DCAF7: variants seen among roughly 807,000 people sequenced by gnomAD.
DCAF7 encodes the protein DDB1 and CUL4 associated factor 7.
Under a neutral mutation model 41.2 loss-of-function variants are expected in DCAF7, and 4 were observed. The observed-to-expected ratio is 0.10, with a 90% CI of 0.05 to 0.22. The LOEUF (loss-of-function observed/expected upper bound fraction) is 0.22, where lower values mean the gene tolerates loss of function less well. Ranked by LOEUF, DCAF7 falls within the 10% of genes least tolerant of loss-of-function variation. The pLI, the probability that DCAF7 is intolerant of heterozygous loss-of-function variation, is 1.00. For synonymous variants in DCAF7, 143 were observed against 164.2 expected (o/e 0.87, Z 0.99); for missense variants, 131 against 443.2 (o/e 0.30, Z 6.32).
intron 1 of DCAF7, among the ~76,000 whole-genome samples, chr17:63,567,930 G>A (rs2033462301): frequency 6.6e-6 from 1 of 152,094 alleles, no homozygotes; most frequent in Non-Finnish European, 1.5e-5. Context: ...ATCCCAGGGT[G>A]TTGGGATTAT....
rs527318407 is a variant in DCAF7, at chr17:63,584,454, C to T, written c.738+743C>T. On this transcript the variant is annotated intron_variant, in intron 5 of 6. Coordinates refer to ENST00000614556, the MANE Select transcript of DCAF7 (RefSeq NM_005828.5). ...TTGCACTCAAGCCTGGGAGATAGAGCAAGACTCCATCTGAAAAAAAAAAAA... is the reference window on the plus strand; with the variant it reads ...TTGCACTCAAGCCTGGGAGATAGAGTAAGACTCCATCTGAAAAAAAAAAAA... 2.0e-5 allele frequency among the ~76,000 whole-genome samples: 3 copies of T among 146,970 alleles called. No individual in the cohort carries two copies. The South Asian group carries it at 6.5e-4, about 32-fold the overall frequency.
intron 1 of DCAF7, among the ~76,000 whole-genome samples, chr17:63,573,711 C>G (rs1179933713): frequency 7.0e-6 from 1 of 141,988 alleles, no homozygotes; most frequent in Non-Finnish European, 1.5e-5. Context: ...GCCTGGGTGA[C>G]AAGAGTGAAA....
intron 1 of DCAF7, among the ~76,000 whole-genome samples, chr17:63,563,760 A>G (rs970109814): frequency 6.6e-6 from 1 of 152,144 alleles, no homozygotes; most frequent in African/African-American, 2.4e-5. Flanking sequence ...GGTTGCAGTG[A>G]GCTGAGATCG....
At chr17:63,558,802 C>T (rs1465816074) in intron 1 of DCAF7, among the ~76,000 whole-genome samples, 1 of 152,168 alleles carries the variant, frequency 6.6e-6, no homozygotes, top group African/African-American at 2.4e-5. Flanking sequence ...ACCAGGCAAA[C>T]TGATTGTTTC....
chr17:63,576,560 T>C (rs1207887862), intron 1 of DCAF7, among the ~76,000 whole-genome samples: 1 of 152,150 alleles, frequency 6.6e-6, no homozygotes, highest in Admixed American at 6.6e-5. Flanking sequence ...TAGAAAACTT[T>C]TAGAAGAAAA....
At chr17:63,579,301 A>C (rs1319514394) in intron 2 of DCAF7, 36 bp from the exon 3 acceptor site, 14 of 1,454,774 alleles carry the variant, frequency 9.6e-6, no homozygotes, top group Non-Finnish European at 1.3e-5. Flanking sequence ...TGAGGATAAG[A>C]CTGGCTGATT....
Position 63,591,995 on chromosome 17 carries a change from A to G in DCAF7, c.*2823A>G, listed in dbSNP as rs1345528734. ...GCCTCTACCACCAGAGAGCTGGAGA[A>G]TGGGTCCACGTCATTCAAGGACCTG... On this transcript the variant is annotated 3_prime_UTR_variant, in exon 7 of 7. Coordinates refer to ENST00000614556, the MANE Select transcript of DCAF7 (RefSeq NM_005828.5). 2 of 152,358 alleles carry G rather than the reference A, an allele frequency of 1.3e-5. No individual in the cohort carries two copies. The highest frequency in any genetic ancestry group is 1.3e-4 in the Admixed American group (2 of 15,286). The allele number at this position is 152,358 out of a possible 1,614,324, so 9.4% of individuals were successfully genotyped here.
chr17:63,584,837 G>A (rs754251821), intron 5 of DCAF7, among the ~76,000 whole-genome samples: 38 of 152,208 alleles, frequency 2.5e-4, no homozygotes, highest in Non-Finnish European at 4.9e-4. Context: ...TGGGGAGAAT[G>A]CATTGGTTGT....
intron 4 of DCAF7, 95 bp downstream of exon 4, chr17:63,580,038 T>C: frequency 1.1e-6 from 1 of 885,596 alleles, no homozygotes; most frequent in South Asian, 1.5e-5. Flanking sequence ...CTGCAATTTA[T>C]GTAGAAAATC....
intron 1 of DCAF7, among the ~76,000 whole-genome samples, chr17:63,554,743 T>C (rs150234538): frequency 3.6e-3 from 546 of 152,352 alleles, no homozygotes; most frequent in Non-Finnish European, 5.4e-3. Flanking sequence ...ATAAGCCATA[T>C]AGAGATGTTA....
At position 63,593,276 on chromosome 17, in the gene DCAF7, C is replaced by T. The variant is rs758889725; in HGVS notation, c.*4104C>T. 6 of 152,740 alleles carry T rather than the reference C, an allele frequency of 3.9e-5. No homozygotes were observed. The highest frequency in any genetic ancestry group is 7.3e-5 in the Non-Finnish European group (5 of 68,116). 9.5% of individuals were successfully genotyped at this position (152,740 alleles called of 1,614,324 possible). Reference sequence around the variant, plus strand: ...CCCTGGCTGGGCCAGCTCCTGAGAGCGTCTCGTGTTGCAGACCCTTGCCCA... The same window carrying T: ...CCCTGGCTGGGCCAGCTCCTGAGAGTGTCTCGTGTTGCAGACCCTTGCCCA... On this transcript the variant is annotated 3_prime_UTR_variant, in exon 7 of 7. Coordinates refer to ENST00000614556, the MANE Select transcript of DCAF7 (RefSeq NM_005828.5).
At position 63,589,646 on chromosome 17, in the gene DCAF7, C is replaced by T. The variant is rs72845888; in HGVS notation, c.*474C>T. ...TATCAGTGTGTTTAACAAATTTTAA[C>T]TTTGTATATTTGTTATCTATCAGGC... is the stretch of plus-strand genomic sequence containing the variant. On this transcript the variant is annotated 3_prime_UTR_variant, in exon 7 of 7. Transcript: ENST00000614556. The T allele has an allele frequency of 0.039, 7,219 of 183,954 alleles. 237 individuals carry two copies. Among genetic ancestry groups the T allele is most frequent in the Non-Finnish European group, 0.059 (5,109 of 86,108 alleles). 11.4% of individuals were successfully genotyped at this position (183,954 alleles called of 1,614,324 possible). A position where few individuals can be genotyped will look rare whatever the true frequency, so the allele number is the denominator to read the frequency against.
intron 1 of DCAF7, among the ~76,000 whole-genome samples, chr17:63,576,836 C>G (rs2033567570): frequency 6.6e-6 from 1 of 152,216 alleles, no homozygotes; most frequent in South Asian, 2.1e-4. Flanking sequence ...ATTGCTTAAG[C>G]CCAGGAGGTT....
At chr17:63,563,085 A>G (rs1371551493) in intron 1 of DCAF7, among the ~76,000 whole-genome samples, 1 of 152,172 alleles carries the variant, frequency 6.6e-6, no homozygotes, top group East Asian at 1.9e-4. Flanking sequence ...TTAGCTTCCC[A>G]AAATAGTGGG....
chr17:63,561,456 A>G (rs902905306), intron 1 of DCAF7, among the ~76,000 whole-genome samples: 8 of 151,974 alleles, frequency 5.3e-5, no homozygotes, highest in Admixed American at 6.6e-5. Flanking sequence ...CAGTTTGTTC[A>G]CACCTGTAAT....
intron 1 of DCAF7, among the ~76,000 whole-genome samples, chr17:63,564,552 A>G (rs1010507185): frequency 6.6e-5 from 10 of 152,152 alleles, no homozygotes; most frequent in Non-Finnish European, 1.3e-4. Flanking sequence ...CCTCAGTGAA[A>G]CTTTCTGCTT....
rs1470662681 is a variant in DCAF7, at chr17:63,592,459, G to T, written c.*3287G>T. ...AAAATTCCTTATAAATCCAGGATTG[G>T]CTCTGAGAGAACTGGCTAAGATTCA... On this transcript the variant is annotated 3_prime_UTR_variant, in exon 7 of 7. Coordinates refer to ENST00000614556, the MANE Select transcript of DCAF7 (RefSeq NM_005828.5). The T allele has an allele frequency of 6.6e-6, 1 of 151,978 alleles. No homozygotes were observed. Among genetic ancestry groups the T allele is most frequent in the African/African-American group, 2.4e-5 (1 of 41,390 alleles). The allele number at this position is 151,978 out of a possible 1,614,324, so 9.4% of individuals were successfully genotyped here.
Position 63,552,756 on chromosome 17 carries a change from G to T in DCAF7, c.138+1941G>T, listed in dbSNP as rs112476863. On this transcript the variant is annotated intron_variant, in intron 1 of 6. Coordinates refer to ENST00000614556, the MANE Select transcript of DCAF7 (RefSeq NM_005828.5). ...GAGCCACAGTTAGGCTGCTTGGTAG[G>T]ATCAGTGGAGTAGTCAAACTGCTGT... Among the ~76,000 whole-genome samples, 792 of 152,316 alleles carry T rather than the reference G, an allele frequency of 5.2e-3. 8 individuals carry two copies. Among genetic ancestry groups the T allele is most frequent in the African/African-American group, 0.018 (757 of 41,544 alleles).
At chr17:63,553,894 A>G (rs1329366719) in intron 1 of DCAF7, among the ~76,000 whole-genome samples, 2 of 152,208 alleles carry the variant, frequency 1.3e-5, no homozygotes, top group Non-Finnish European at 2.9e-5. Flanking sequence ...TCTATCAACT[A>G]CACTTGGAAT....
Sources: allele counts gnomAD v4.1 joint callset (sites outside exome capture counted in the v4.1 genomes callset), GRCh38; gene constraint gnomAD v4.1.1; transcripts MANE v1.5; gene names NCBI Gene and HGNC (gene_info 2026-07-23, HGNC 2026-07-21).